Variants in BDP1 observed in about 807,000 individuals in gnomAD.
BDP1 encodes the protein BDP1 general transcription factor IIIB subunit.
Under a neutral mutation model 266.6 loss-of-function variants are expected in BDP1, and 169 were observed. That is an observed-to-expected ratio of 0.63 (90% CI 0.56 to 0.72). BDP1 has a LOEUF of 0.72. Among genes scored for constraint, BDP1 ranks in the 30% least tolerant of loss-of-function variants. The pLI is 0.00. For synonymous variants in BDP1, 1,090 were observed against 1,022.4 expected, an observed-to-expected ratio of 1.07 and a Z score of -1.26; for missense variants, 3,015 against 3,053.8, an observed-to-expected ratio of 0.99 and a Z score of 0.30.
chr5:71,535,406 T>G (rs1373069630), intron 26 of BDP1, among the ~76,000 whole-genome samples: 1 of 152,086 alleles, frequency 6.6e-6, no homozygotes, highest in Non-Finnish European at 1.5e-5. Context: ...GGTTTCACCA[T>G]GTTGGTCAGG....
intron 22 of BDP1, among the ~76,000 whole-genome samples, chr5:71,518,689 A>C (rs1195678288): frequency 1.3e-5 from 2 of 151,462 alleles, no homozygotes. Flanking sequence ...CCTGAGCTCA[A>C]GTGAACCGCC....
chr5:71,504,716 G>T lies in BDP1; in HGVS notation c.2337G>T (p.Gln779His). 6.2e-7 allele frequency: 1 copy of T among 1,613,650 alleles called. No individual in the cohort carries two copies. Among genetic ancestry groups the T allele is most frequent in the East Asian group, 2.2e-5 (1 of 44,786 alleles). Residue 779 changes from glutamine to histidine, a missense_variant, in exon 16 of 39, where the codon CAG becomes CAT. This residue lies in a region of BDP1 where 2,383 missense variants were observed against 2,404.9 expected (regional missense o/e 0.99). Transcript: ENST00000358731. ...PEKNDSFQNV[Q>H]PDEPKVLNEC... ...AAAATGATTCTTTTCAAAATGTGCA[G>T]CCAGATGAGCCCAAGGTTCTTAATG...
At chr5:71,559,887 T>G in intron 36 of BDP1, 95 bp from the exon 37 acceptor site, 1 of 1,295,584 alleles carries the variant, frequency 7.7e-7, no homozygotes. Flanking sequence ...GGTAGGTTTA[T>G]TATAGAATAC....
At chr5:71,480,820 T>C (rs1762910464) in intron 7 of BDP1, among the ~76,000 whole-genome samples, 1 of 152,142 alleles carries the variant, frequency 6.6e-6, no homozygotes, top group Non-Finnish European at 1.5e-5. Context: ...CACCTCAGCC[T>C]CCCACAGTGC....
Position 71,455,659 on chromosome 5 carries a change from A to C in BDP1, c.-219A>C. On this transcript the variant is annotated 5_prime_UTR_variant, in exon 1 of 39. Coordinates refer to ENST00000358731, the MANE Select transcript of BDP1 (RefSeq NM_018429.3). ...CGCGGGGATGCTGGGAGGAGGGTGAAATTTAGCCATCGGTGTGTGGCAGGG... is the reference window on the plus strand; with the variant it reads ...CGCGGGGATGCTGGGAGGAGGGTGACATTTAGCCATCGGTGTGTGGCAGGG... 1 of 581,810 alleles carries C rather than the reference A, an allele frequency of 1.7e-6. No individual in the cohort carries two copies. The allele number at this position is 581,810 out of a possible 1,614,324, so 36.0% of individuals were successfully genotyped here.
chr5:71,554,842 G>A (rs1743106683), intron 35 of BDP1, among the ~76,000 whole-genome samples: 1 of 152,082 alleles, frequency 6.6e-6, no homozygotes, highest in Non-Finnish European at 1.5e-5. Flanking sequence ...TCAAATTTCA[G>A]ATTTTTTTGA....
At chr5:71,485,513 G>C (rs1763211601) in intron 8 of BDP1, among the ~76,000 whole-genome samples, 1 of 152,084 alleles carries the variant, frequency 6.6e-6, no homozygotes, top group Non-Finnish European at 1.5e-5. Context: ...TCCCAGATTT[G>C]GGTTTAGTTT....
Position 71,458,849 on chromosome 5 carries a change from A to G in BDP1, c.483A>G (p.Lys161=). 6.2e-7 allele frequency: 1 copy of G among 1,609,914 alleles called. No individual in the cohort carries two copies. The highest frequency in any genetic ancestry group is 8.5e-7 in the Non-Finnish European group (1 of 1,179,066). The change falls in exon 2 of 39, where the codon AAA becomes AAG. Residue 161 remains lysine (K), a synonymous_variant. Coordinates refer to ENST00000358731, the MANE Select transcript of BDP1 (RefSeq NM_018429.3). Reference sequence around the variant, plus strand: ...AAATGTTAAAAGAAGAATTGAGAAAAGAGAAGGTAAGGGAGGAGAATCAGG... The same window carrying G: ...AAATGTTAAAAGAAGAATTGAGAAAGGAGAAGGTAAGGGAGGAGAATCAGG... ...LREMLKEELR[K]EKKQWKNKYA...
intron 11 of BDP1, among the ~76,000 whole-genome samples, chr5:71,493,128 A>G (rs1291663609): frequency 6.6e-6 from 1 of 152,242 alleles, no homozygotes; most frequent in African/African-American, 2.4e-5. Context: ...AGATATTCAC[A>G]TAAGTGGAAT....
In BDP1 at chr5:71,560,271, T is replaced by C. The variant is rs773054822; in HGVS notation, c.7496+34T>C. The C allele has an allele frequency of 2.4e-5, 39 of 1,600,348 alleles. No individual in the cohort carries two copies. In the African/African-American group the frequency reaches 4.4e-4, roughly 18 times the overall value. On this transcript the variant is annotated intron_variant, in intron 37 of 38. Coordinates refer to ENST00000358731, the MANE Select transcript of BDP1 (RefSeq NM_018429.3). ...AACAAATCTTTAATAAGTGTTTTGC[T>C]CTCTGTCTTAATAAATATAACCTAT...
At chr5:71,482,262 A>G (rs906053063) in intron 7 of BDP1, among the ~76,000 whole-genome samples, 2 of 152,150 alleles carry the variant, frequency 1.3e-5, no homozygotes, top group African/African-American at 4.8e-5. Flanking sequence ...TCTGCAGCCT[A>G]GTTGGATTGC....
intron 1 of BDP1, among the ~76,000 whole-genome samples, chr5:71,457,196 A>G (rs1761247687): frequency 6.6e-6 from 1 of 151,412 alleles, no homozygotes; most frequent in South Asian, 2.1e-4. Context: ...TAGTTTTGAG[A>G]TATTTATGGT....
At chr5:71,542,999 A>G (rs1369002865) in intron 30 of BDP1, among the ~76,000 whole-genome samples, 3 of 151,822 alleles carry the variant, frequency 2.0e-5, no homozygotes, top group Non-Finnish European at 2.9e-5. Flanking sequence ...TAAGAAAGTC[A>G]GACTGGGGCT....
chr5:71,486,719 C>A, intron 9 of BDP1, 92 bp downstream of exon 9: 1 of 1,071,242 alleles, frequency 9.3e-7, no homozygotes, highest in Non-Finnish European at 1.3e-6. Context: ...ATGTGTAGCT[C>A]AGGTAGTTAA....
At chr5:71,464,010 G>C (rs772822980) in intron 3 of BDP1, 48 bp from the exon 4 acceptor site, 10 of 1,030,816 alleles carry the variant, frequency 9.7e-6, no homozygotes, top group Non-Finnish European at 1.4e-5. Flanking sequence ...GAATTGGGAA[G>C]ATATAAATTA....
At position 71,524,338 on chromosome 5, in the gene BDP1, T is replaced by A; in HGVS notation, c.5772+15T>A. ...CAATGGAAGAGGTTCGGTTTTTTTT[T>A]AAAACCTTGGTACTTTATCTTACTT... is the stretch of plus-strand genomic sequence containing the variant. On this transcript the variant is annotated intron_variant, in intron 25 of 38. Transcript: ENST00000358731. The A allele has an allele frequency of 2.6e-6, 4 of 1,565,006 alleles. No homozygotes were observed. Among genetic ancestry groups the A allele is most frequent in the South Asian group, 1.2e-5 (1 of 84,048 alleles).
At chr5:71,514,660 C>A (rs1765125552) in intron 19 of BDP1, among the ~76,000 whole-genome samples, 1 of 152,028 alleles carries the variant, frequency 6.6e-6, no homozygotes, top group African/African-American at 2.4e-5. Flanking sequence ...TTTATTTATT[C>A]CATCCCCTAA....
At chr5:71,506,820 CA>C (rs370860305) in intron 16 of BDP1, among the ~76,000 whole-genome samples, 40,319 of 140,800 alleles carry the variant, frequency 0.29, 6,407 homozygotes, top group Admixed American at 0.43. Context: ...CACACACACA[CA>C]CACCCATATT....
At chr5:71,575,984 A>G in the BDP1 span, among the ~76,000 whole-genome samples, 2 of 152,166 alleles carry the variant, frequency 1.3e-5, no homozygotes, top group Non-Finnish European at 2.9e-5. Flanking sequence ...CCCCATACCA[A>G]TACTTAGGAA....
Sources: allele counts gnomAD v4.1 joint callset (sites outside exome capture counted in the v4.1 genomes callset), GRCh38; gene constraint gnomAD v4.1.1; regional missense constraint gnomAD v4.1.1; transcripts MANE v1.5; gene names NCBI Gene and HGNC (gene_info 2026-07-23, HGNC 2026-07-21).